The following EPB41L4B variants were observed in gnomAD, a reference collection of about 807,000 sequenced individuals.
The protein encoded by EPB41L4B is band 4.1-like protein 4B.
EPB41L4B carries 30 observed loss-of-function variants against 112.5 expected under a neutral mutation model. The ratio of observed to expected loss-of-function variants is 0.27; its 90% CI spans 0.20 to 0.36. EPB41L4B has a LOEUF of 0.36. Among genes scored for constraint, EPB41L4B ranks in the 10% least tolerant of loss-of-function variants. The pLI is 1.00. For synonymous variants in EPB41L4B, 408 were observed against 439.7 expected, an observed-to-expected ratio of 0.93 and a Z score of 0.90; for missense variants, 1,024 against 1,133.3, an observed-to-expected ratio of 0.90 and a Z score of 1.38.
intron 15 of EPB41L4B, among the ~76,000 whole-genome samples, chr9:109,225,274 T>G (rs1308809363): frequency 6.6e-6 from 1 of 152,276 alleles, no homozygotes; most frequent in African/African-American, 2.4e-5. Context: ...TGCCTGGTAC[T>G]GTGCCATGCA....
At chr9:109,284,417 T>C (rs1219954420) in intron 1 of EPB41L4B, among the ~76,000 whole-genome samples, 1 of 152,104 alleles carries the variant, frequency 6.6e-6, no homozygotes, top group Non-Finnish European at 1.5e-5. Flanking sequence ...TGTTCCCAAG[T>C]TTTTTGTTTG....
chr9:109,189,916 C>G (rs1832400430), intron 22 of EPB41L4B, among the ~76,000 whole-genome samples: 1 of 151,686 alleles, frequency 6.6e-6, no homozygotes, highest in African/African-American at 2.4e-5. Context: ...GGAATAATAC[C>G]ACCATGCCCA....
intron 15 of EPB41L4B, chr9:109,240,105 C>T (rs2118951026): frequency 1.0e-6 from 1 of 985,208 alleles, no homozygotes; most frequent in South Asian, 4.7e-5. Context: ...ACAAATGAGA[C>T]TTCTGCATAG....
rs551275405 is a variant in EPB41L4B, at chr9:109,294,141, C to G, written c.307-14220G>C. Among the ~76,000 whole-genome samples the G allele has an allele frequency of 2.0e-5, 3 of 151,618 alleles. No homozygotes were observed. The East Asian group carries it at 5.8e-4, about 29-fold the overall frequency. On this transcript the variant is annotated intron_variant, in intron 1 of 25. Coordinates refer to ENST00000374566, the MANE Select transcript of EPB41L4B (RefSeq NM_019114.5). Reference sequence around the variant, plus strand: ...CTAACACAGTGAAACCCCATTTCTACGAAAATACAAAAAAATTAGCAGGCG... The same window carrying G: ...CTAACACAGTGAAACCCCATTTCTAGGAAAATACAAAAAAATTAGCAGGCG...
Position 109,207,983 on chromosome 9 carries a change from G to A in EPB41L4B, c.1819C>T (p.His607Tyr), listed in dbSNP as rs774716444. 1 of 1,614,180 alleles carries A rather than the reference G, an allele frequency of 6.2e-7. No homozygotes were observed. The highest frequency in any genetic ancestry group is 1.7e-5 in the Admixed American group (1 of 60,014). ...GCTTTCAGAATGTTACACTTCACAT[G>A]ATCCGCAACAGGGGAAGGCAAAAGT... ...TPLLPSPVAD[H>Y]VKCNILKAQL... is the part of the protein sequence containing the mutation. The change falls in exon 18 of 26, where the codon CAT (histidine) becomes TAT (tyrosine). Residue 607 changes from histidine to tyrosine, a missense_variant. Coordinates refer to ENST00000374566, the MANE Select transcript of EPB41L4B (RefSeq NM_019114.5).
In EPB41L4B at chr9:109,194,318, C is replaced by T. The variant is rs778006194; in HGVS notation, c.2125G>A (p.Ala709Thr). ...TSTTTNTTTA[A>T]TQVSVPLPSP... is the part of the protein sequence containing the mutation. ...GGCAGCGGCACGGAGACTTGTGTGG[C>T]GGCCGTTGTGGTGTTTGTGGTTGTA... is the stretch of plus-strand genomic sequence containing the variant. The change falls in exon 21 of 26, where the codon GCC (alanine) becomes ACC (threonine). Residue 709 changes from alanine (A) to threonine (T), a missense_variant. Ala to Thr is a moderately conservative substitution (Grantham distance 58). Coordinates refer to ENST00000374566, the MANE Select transcript of EPB41L4B (RefSeq NM_019114.5). The T allele has an allele frequency of 8.7e-6, 14 of 1,614,064 alleles. No individual in the cohort carries two copies. The highest frequency in any genetic ancestry group is 1.3e-5 in the African/African-American group (1 of 74,916).
chr9:109,276,511 G>A (rs1476824069), intron 2 of EPB41L4B, among the ~76,000 whole-genome samples: 1 of 152,214 alleles, frequency 6.6e-6, no homozygotes, highest in African/African-American at 2.4e-5. Flanking sequence ...CACAGCTCTT[G>A]CATCCTCAGA....
intron 1 of EPB41L4B, among the ~76,000 whole-genome samples, chr9:109,296,553 GA>G (rs760087593): frequency 7.9e-5 from 12 of 152,188 alleles, no homozygotes; most frequent in Non-Finnish European, 1.8e-4. Context: ...GCCTGGGGAT[GA>G]AGGTAGCCTC....
At chr9:109,278,499 C>CAT (rs1835918992) in intron 2 of EPB41L4B, among the ~76,000 whole-genome samples, 1 of 152,170 alleles carries the variant, frequency 6.6e-6, no homozygotes, top group African/African-American at 2.4e-5. Context: ...TACATCTTCA[C>CAT]CTTACAAATG....
At chr9:109,272,334 C>T (rs1038041222) in intron 2 of EPB41L4B, among the ~76,000 whole-genome samples, 7 of 152,166 alleles carry the variant, frequency 4.6e-5, no homozygotes, top group African/African-American at 1.7e-4. Flanking sequence ...TGGTGGCATA[C>T]ACCTGTAGTC....
At position 109,207,930 on chromosome 9, in the gene EPB41L4B, G is replaced by C; in HGVS notation, c.1872C>G (p.Asn624Lys). 8.7e-6 allele frequency: 14 copies of C among 1,614,080 alleles called. No individual in the cohort carries two copies. Among genetic ancestry groups the C allele is most frequent in the Non-Finnish European group, 1.1e-5 (13 of 1,180,020 alleles). ...KAQLENASRV[N>K]IQGGKEESPF... ...ATGTATGCATTCTGCGCACCTGGATGTTCACTCGGGAAGCATTTTCCAACT... is the reference window on the plus strand; with the variant it reads ...ATGTATGCATTCTGCGCACCTGGATCTTCACTCGGGAAGCATTTTCCAACT... The change falls in exon 18 of 26, where the codon AAC (asparagine) becomes AAG (lysine). Residue 624 changes from asparagine to lysine, a missense_variant. Asn to Lys is a moderately conservative substitution (Grantham distance 94). Coordinates refer to ENST00000374566, the MANE Select transcript of EPB41L4B (RefSeq NM_019114.5).
chr9:109,217,006 G>A lies in EPB41L4B; in HGVS notation c.1549C>T (p.His517Tyr). ...QHQHQHQHQH[H>Y]SNYSLSLTLE... The stretch of plus-strand genomic sequence containing the variant: ...GTCAGTGAGAGGCTGTAGTTTGAGT[G>A]GTGCTGGTGCTGATGCTGATGCTGG... Residue 517 changes from histidine (H) to tyrosine (Y), a missense_variant, in exon 16 of 26, where the codon CAC becomes TAC. By Grantham distance (83) the His-to-Tyr change is moderately conservative. Coordinates refer to ENST00000374566, the MANE Select transcript of EPB41L4B (RefSeq NM_019114.5). 1 of 1,614,208 alleles carries A rather than the reference G, an allele frequency of 6.2e-7. No homozygotes were observed. Among genetic ancestry groups the A allele is most frequent in the Non-Finnish European group, 8.5e-7 (1 of 1,180,036 alleles).
chr9:109,306,627 CAAACAAACAAAA>C (rs1051184979), intron 1 of EPB41L4B, among the ~76,000 whole-genome samples: 1 of 149,222 alleles, frequency 6.7e-6, no homozygotes, highest in African/African-American at 2.4e-5. Flanking sequence ...AACAAACAAA[CAAACAAACAAAA>C]AAACATTCTG....
intron 15 of EPB41L4B, among the ~76,000 whole-genome samples, chr9:109,231,041 C>T (rs532052407): frequency 1.8e-4 from 28 of 152,000 alleles, no homozygotes; most frequent in African/African-American, 6.0e-4. Flanking sequence ...CGCCTGTAGT[C>T]CCAGCTACCC....
At chr9:109,244,440 T>A (rs1834471519) in intron 14 of EPB41L4B, among the ~76,000 whole-genome samples, 1 of 13,272 alleles carries the variant, frequency 7.5e-5, no homozygotes, top group South Asian at 7.4e-3. Flanking sequence ...TTGTCTTTTT[T>A]TTTTTTTTTT....
intron 2 of EPB41L4B, among the ~76,000 whole-genome samples, chr9:109,279,473 T>C (rs944294208): frequency 6.6e-6 from 1 of 152,172 alleles, no homozygotes; most frequent in Non-Finnish European, 1.5e-5. Flanking sequence ...TGCCTCAGCC[T>C]CCCAAAGTGC....
intron 20 of EPB41L4B, chr9:109,196,354 T>C (rs541283808): frequency 1.3e-5 from 2 of 152,120 alleles, no homozygotes; most frequent in African/African-American, 2.4e-5. Flanking sequence ...AAATAAACAG[T>C]GAAGTTATAT....
chr9:109,179,338 G>A (rs892608972), intron 24 of EPB41L4B, among the ~76,000 whole-genome samples: 4 of 152,196 alleles, frequency 2.6e-5, no homozygotes, highest in Non-Finnish European at 4.4e-5. Context: ...ACTGTCGCCA[G>A]GATAGGTCTG....
rs571825299 is a variant in EPB41L4B, at chr9:109,220,174, T to C, written c.1410-3029A>G. The stretch of plus-strand genomic sequence containing the variant: ...ATGCTTGAAATCAGAGGAGGTGTGT[T>C]ATTTTGTCATTTGTGTGTGTAGAAT... On this transcript the variant is annotated intron_variant, in intron 15 of 25. Transcript: ENST00000374566. Among the ~76,000 whole-genome samples the C allele has an allele frequency of 2.0e-5, 3 of 152,320 alleles. No homozygotes were observed. The South Asian group carries it at 6.2e-4, about 32-fold the overall frequency.
Sources: gnomAD v4.1 joint callset for allele counts (sites outside exome capture counted in the v4.1 genomes callset) on GRCh38, gnomAD v4.1.1 for gene constraint, MANE v1.5 for transcripts, NCBI Gene and HGNC (gene_info 2026-07-23, HGNC 2026-07-21) for gene names.